SAMMSON: variants seen among roughly 807,000 people sequenced by gnomAD.
SAMMSON encodes long intergenic non-protein coding RNA 1212.
intron 4 of SAMMSON, among the ~76,000 whole-genome samples, chr3:70,087,235 C>T (rs902194875): frequency 2.6e-5 from 4 of 152,088 alleles, no homozygotes; most frequent in African/African-American, 9.7e-5. Context: ...TAGCTTTGGG[C>T]CATAAATTGT....
chr3:70,122,208 T>A (rs1213873676), intron 4 of SAMMSON, among the ~76,000 whole-genome samples: 1 of 152,222 alleles, frequency 6.6e-6, no homozygotes, highest in Non-Finnish European at 1.5e-5. Flanking sequence ...TTTCCTTTTT[T>A]GTAAGACAAA....
chr3:70,251,986 T>G (rs777386922), intron 6 of SAMMSON, among the ~76,000 whole-genome samples: 1 of 152,204 alleles, frequency 6.6e-6, no homozygotes, highest in Admixed American at 6.5e-5. Context: ...AAACACGTGT[T>G]AAGGAACTAA....
intron 6 of SAMMSON, among the ~76,000 whole-genome samples, chr3:70,288,769 A>G (rs1702195282): frequency 2.0e-5 from 3 of 151,786 alleles, no homozygotes; most frequent in African/African-American, 7.3e-5. Flanking sequence ...TATATTTAGG[A>G]TAGTTAGCTC....
At chr3:70,395,151 C>G (rs552977450) in intron 2 of SAMMSON, among the ~76,000 whole-genome samples, 1 of 152,228 alleles carries the variant, frequency 6.6e-6, no homozygotes, top group South Asian at 2.1e-4. Context: ...CAGGCCCACC[C>G]TGGGGAATGA....
At position 70,337,139 on chromosome 3, in the gene SAMMSON, ATAT is replaced by A. The variant is rs1451008476; in HGVS notation, n.740-17027_740-17025del. Among the ~76,000 whole-genome samples the A allele has an allele frequency of 4.7e-4, 35 of 74,346 alleles. No homozygotes were observed. The East Asian group carries it at 5.1e-3, about 11-fold the overall frequency. 48.8% of individuals were successfully genotyped at this position (74,346 alleles called of 152,430 possible). A position where few individuals can be genotyped will look rare whatever the true frequency, so the allele number is the denominator to read the frequency against. ...CTTATTAATAATAATATCTAACTTA[ATAT>A]TATTATTAATAATAATATCTAACTT... On this transcript the variant is annotated intron_variant and non_coding_transcript_variant, in intron 7 of 9. Coordinates refer to ENST00000642114, the Ensembl canonical transcript of SAMMSON.
At chr3:70,406,359 A>G (rs1701177763) in intron 2 of SAMMSON, among the ~76,000 whole-genome samples, 1 of 152,210 alleles carries the variant, frequency 6.6e-6, no homozygotes, top group African/African-American at 2.4e-5. Context: ...TGAAAGTACT[A>G]TAGGTTTTAG....
intron 7 of SAMMSON, among the ~76,000 whole-genome samples, chr3:70,345,054 A>G (rs1702740384): frequency 6.6e-6 from 1 of 152,206 alleles, no homozygotes; most frequent in South Asian, 2.1e-4. Context: ...ATATAAATGT[A>G]TGTGCATTCT....
At chr3:70,119,620 C>G (rs1450907075) in intron 4 of SAMMSON, among the ~76,000 whole-genome samples, 1 of 151,890 alleles carries the variant, frequency 6.6e-6, no homozygotes, top group Non-Finnish European at 1.5e-5. Context: ...AAGCAAATTT[C>G]AGAAATATTC....
chr3:70,140,805 C>G (rs1159198224), intron 4 of SAMMSON, among the ~76,000 whole-genome samples: 2 of 152,162 alleles, frequency 1.3e-5, no homozygotes, highest in East Asian at 3.9e-4. Flanking sequence ...TGCCTTTCTT[C>G]CATTGCCCAA....
At chr3:70,360,061 G>A (rs1311100634) in intron 9 of SAMMSON, among the ~76,000 whole-genome samples, 1 of 152,090 alleles carries the variant, frequency 6.6e-6, no homozygotes, top group Non-Finnish European at 1.5e-5. Context: ...GCTGATCAAA[G>A]TCTAACCCTT....
intron 6 of SAMMSON, among the ~76,000 whole-genome samples, chr3:70,289,811 C>A (rs1043192454): frequency 8.5e-5 from 13 of 152,184 alleles, no homozygotes; most frequent in African/African-American, 3.1e-4. Flanking sequence ...TCATTCATTT[C>A]ATCTTCCATT....
intron 4 of SAMMSON, among the ~76,000 whole-genome samples, chr3:70,196,257 A>C (rs1012772433): frequency 2.0e-4 from 31 of 152,192 alleles, no homozygotes; most frequent in African/African-American, 7.0e-4. Context: ...TCATAGACAT[A>C]CAATAATATG....
intron 4 of SAMMSON, among the ~76,000 whole-genome samples, chr3:70,123,882 T>C (rs1215136053): frequency 6.6e-6 from 1 of 152,152 alleles, no homozygotes; most frequent in Non-Finnish European, 1.5e-5. Flanking sequence ...TTTTAAGGTA[T>C]CAGAATGAAA....
chr3:70,144,859 T>C (rs919793865), intron 4 of SAMMSON, among the ~76,000 whole-genome samples: 2 of 152,170 alleles, frequency 1.3e-5, no homozygotes, highest in African/African-American at 4.8e-5. Flanking sequence ...GCCTCCCAGC[T>C]ATGTGGAACT....
At chr3:70,419,559 A>G (rs921369043) in intron 2 of SAMMSON, among the ~76,000 whole-genome samples, 37 of 152,178 alleles carry the variant, frequency 2.4e-4, no homozygotes, top group African/African-American at 8.9e-4. Flanking sequence ...GAGAAAGTCA[A>G]TTCCAGGGCA....
At chr3:70,372,766 A>T (rs1477669593) in intron 9 of SAMMSON, among the ~76,000 whole-genome samples, 2 of 152,314 alleles carry the variant, frequency 1.3e-5, no homozygotes, top group East Asian at 3.9e-4. Flanking sequence ...ACTTAAATTT[A>T]TCTACTTCAA....
chr3:70,239,143 A>G (rs1701640432), intron 4 of SAMMSON, among the ~76,000 whole-genome samples: 1 of 152,234 alleles, frequency 6.6e-6, no homozygotes, highest in Non-Finnish European at 1.5e-5. Flanking sequence ...AGTTCTATTC[A>G]ATTTGCAATA....
intron 3 of SAMMSON, among the ~76,000 whole-genome samples, chr3:70,018,040 A>T (rs1265259643): frequency 1.3e-5 from 2 of 152,046 alleles, no homozygotes; most frequent in African/African-American, 2.4e-5. Flanking sequence ...TTGGTCTAAA[A>T]TTCTCTTTTT....
intron 7 of SAMMSON, among the ~76,000 whole-genome samples, chr3:70,347,896 A>T (rs1359780747): frequency 1.3e-5 from 2 of 152,174 alleles, no homozygotes; most frequent in Non-Finnish European, 2.9e-5. Flanking sequence ...TACAAAAATT[A>T]GCCAGGCGTG....
Sources: gnomAD v4.1 joint callset for allele counts (sites outside exome capture counted in the v4.1 genomes callset) on GRCh38, gnomAD v4.1.1 for gene constraint, MANE v1.5 for transcripts, NCBI Gene and HGNC (gene_info 2026-07-23, HGNC 2026-07-21) for gene names.